The following FRAS1 variants were observed in gnomAD, a reference collection of about 807,000 sequenced individuals.
FRAS1 encodes extracellular matrix organizing protein FRAS1.
A neutral mutation model predicts 435.2 loss-of-function variants in FRAS1; 290 were observed. That is an observed-to-expected ratio of 0.67 (90% CI 0.61 to 0.73). The LOEUF is 0.73. Among genes scored for constraint, FRAS1 ranks in the 30% least tolerant of loss-of-function variants. The probability of loss-of-function intolerance (pLI) is 0.00; values close to 1 mark genes in which losing one functional copy is unlikely to be tolerated. For missense variants in FRAS1, 4,860 were observed against 5,001.5 expected (o/e 0.97, Z 0.85); for synonymous variants, 1,800 against 1,851.0 (o/e 0.97, Z 0.71).
At position 78,445,579 on chromosome 4, in the gene FRAS1, A is replaced by G. The variant is rs747304962; in HGVS notation, c.5723A>G (p.Asp1908Gly). 1.2e-6 allele frequency: 2 copies of G among 1,613,060 alleles called. No homozygotes were observed. Among genetic ancestry groups the G allele is most frequent in the Non-Finnish European group, 8.5e-7 (1 of 1,179,346 alleles). ...CTAGAGGCATCATTTCCTATTCAAG[A>G]CGTCCTGGAAAACTACATTTACTAC... ...SDLEASFPIQ[D>G]VLENYIYYFQ... The change falls in exon 42 of 74, where the codon GAC becomes GGC. Residue 1908 changes from aspartate to glycine, a missense_variant. Asp to Gly is a moderately conservative substitution (Grantham distance 94). Transcript: ENST00000512123.
At chr4:78,117,295 G>T (rs566648637) in intron 2 of FRAS1, among the ~76,000 whole-genome samples, 24 of 152,122 alleles carry the variant, frequency 1.6e-4, no homozygotes, top group African/African-American at 5.5e-4. Context: ...TTGGTGAATC[G>T]GACAATTATG....
chr4:78,317,000 A>G (rs1729284526), intron 16 of FRAS1, among the ~76,000 whole-genome samples: 1 of 152,226 alleles, frequency 6.6e-6, no homozygotes, highest in South Asian at 2.1e-4. Flanking sequence ...TGCTATGAAT[A>G]AAGCATGTCA....
intron 2 of FRAS1, among the ~76,000 whole-genome samples, chr4:78,218,254 G>A (rs910908534): frequency 6.6e-6 from 1 of 151,152 alleles, no homozygotes; most frequent in Admixed American, 6.6e-5. Context: ...CACAGAGAGA[G>A]GGGAACTATC....
rs144925202 is a variant in FRAS1 at position 78,535,570 on chromosome 4, C to T, written c.11092+955C>T. 7.2e-3 allele frequency among the ~76,000 whole-genome samples: 1,090 copies of T among 152,302 alleles called. 34 individuals carry two copies. Among genetic ancestry groups the T allele is most frequent in the Admixed American group, 0.053 (816 of 15,298 alleles). ...CCAAAAATCTCAGGGTTATCCTCAACTTCCCCTTCCTACATCCTACGTCCC... is the reference window on the plus strand; with the variant it reads ...CCAAAAATCTCAGGGTTATCCTCAATTTCCCCTTCCTACATCCTACGTCCC... On this transcript the variant is annotated intron_variant, in intron 71 of 73. Coordinates refer to ENST00000512123, the MANE Select transcript of FRAS1 (RefSeq NM_025074.7).
At chr4:78,254,236 A>C (rs1002132094) in intron 5 of FRAS1, among the ~76,000 whole-genome samples, 5 of 152,240 alleles carry the variant, frequency 3.3e-5, no homozygotes, top group African/African-American at 9.6e-5. Flanking sequence ...AATTATTGTC[A>C]TTGCTGTATT....
At chr4:78,136,050 C>T (rs903527597) in intron 2 of FRAS1, among the ~76,000 whole-genome samples, 1 of 152,180 alleles carries the variant, frequency 6.6e-6, no homozygotes, top group Non-Finnish European at 1.5e-5. Flanking sequence ...CACCTTTGAA[C>T]TCATGGCTAA....
At chr4:78,225,601 G>C (rs1264870219) in intron 2 of FRAS1, among the ~76,000 whole-genome samples, 2 of 152,134 alleles carry the variant, frequency 1.3e-5, no homozygotes, top group Non-Finnish European at 2.9e-5. Flanking sequence ...CAGATGTAAA[G>C]GACCAGGCTG....
intron 2 of FRAS1, among the ~76,000 whole-genome samples, chr4:78,207,932 G>C (rs776659143): frequency 3.3e-5 from 5 of 152,144 alleles, no homozygotes; most frequent in Non-Finnish European, 7.3e-5. Context: ...TGGACAGACA[G>C]AGCAGTGTGT....
At chr4:78,424,535 T>C in intron 35 of FRAS1, 115 bp downstream of exon 35, 1 of 472,946 alleles carries the variant, frequency 2.1e-6, no homozygotes, top group Admixed American at 4.3e-5. Context: ...TACTTAAAAA[T>C]TATATAATTT....
chr4:78,118,858 T>A (rs559084366), intron 2 of FRAS1, among the ~76,000 whole-genome samples: 38 of 152,300 alleles, frequency 2.5e-4, no homozygotes, highest in African/African-American at 8.9e-4. Context: ...CCCAGTGAGA[T>A]GCACCCAGTA....
chr4:78,450,049 A>G, intron 44 of FRAS1, 102 bp from the exon 45 acceptor site: 1 of 806,002 alleles, frequency 1.2e-6, no homozygotes, highest in Non-Finnish European at 1.9e-6. Context: ...CCTAGATCCA[A>G]TGAATATGTG....
rs374507767 is a variant in FRAS1, at chr4:78,098,814, T to C, written c.108+32798T>C. ...AGTCAAGTAATATTAATTACTTCAC[T>C]TCAGTTAATATTACTGAGTGAATAT... is the stretch of plus-strand genomic sequence containing the variant. On this transcript the variant is annotated intron_variant, in intron 2 of 73. Transcript: ENST00000512123. Among the ~76,000 whole-genome samples the C allele has an allele frequency of 4.0e-4, 61 of 152,340 alleles. 2 individuals carry two copies. Among genetic ancestry groups the C allele is most frequent in the African/African-American group, 1.4e-3 (58 of 41,582 alleles).
intron 2 of FRAS1, among the ~76,000 whole-genome samples, chr4:78,096,016 G>T (rs563878851): frequency 1.3e-5 from 2 of 152,086 alleles, no homozygotes; most frequent in Non-Finnish European, 2.9e-5. Context: ...AGTCCCTTCC[G>T]CCTATGAGCC....
At chr4:78,472,919 C>CTTTTTTCTTTCTTTCT (rs1719751220) in intron 52 of FRAS1, among the ~76,000 whole-genome samples, 1 of 152,126 alleles carries the variant, frequency 6.6e-6, no homozygotes, top group Admixed American at 6.5e-5. Flanking sequence ...CATGAATTTT[C>CTTTTTTCTTTCTTTCT]TTTTTACTCT....
intron 71 of FRAS1, among the ~76,000 whole-genome samples, chr4:78,536,724 C>G (rs1318408485): frequency 6.6e-6 from 1 of 152,088 alleles, no homozygotes; most frequent in South Asian, 2.1e-4. Flanking sequence ...TAACAGAATA[C>G]TTTGCTTCCC....
At position 78,176,789 on chromosome 4, in the gene FRAS1, GT is replaced by G. The variant is rs938642447; in HGVS notation, c.109-60719del. ...ATACTTCTAAGTTTTCATACAAGTT[GT>G]TGGTAAAAATGTTAATAGGAAAGAA... On this transcript the variant is annotated intron_variant, in intron 2 of 73. Coordinates refer to ENST00000512123, the MANE Select transcript of FRAS1 (RefSeq NM_025074.7). Among the ~76,000 whole-genome samples the G allele has an allele frequency of 7.2e-5, 11 of 152,188 alleles. 1 individual carries two copies. Among genetic ancestry groups the G allele is most frequent in the African/African-American group, 2.7e-4 (11 of 41,448 alleles).
chr4:78,081,691 A>G (rs888154303), intron 2 of FRAS1, among the ~76,000 whole-genome samples: 1 of 152,078 alleles, frequency 6.6e-6, no homozygotes, highest in Non-Finnish European at 1.5e-5. Context: ...TTGGCTAGAG[A>G]TAGAATCTGG....
chr4:78,375,978 C>A, intron 26 of FRAS1, 99 bp downstream of exon 26: 3 of 1,356,012 alleles, frequency 2.2e-6, no homozygotes, highest in Non-Finnish European at 3.1e-6. Context: ...ATATAAAATG[C>A]AGCATTCCCA....
chr4:78,315,623 C>T lies in FRAS1; in HGVS notation c.1708C>T (p.Pro570Ser), dbSNP rs768451421. ...TGACCAATCCTGTGACAGTTGTGGC[C>T]CCAGTAGCCCCAGGTGTCTTACCTG... ...ACDQSCDSCG[P>S]SSPRCLTCTE... The change falls in exon 16 of 74, where the codon CCC becomes TCC. Residue 570 changes from proline (P) to serine (S), a missense_variant. Transcript: ENST00000512123. The T allele has an allele frequency of 2.5e-6, 4 of 1,612,758 alleles. No individual in the cohort carries two copies. In the East Asian group the frequency reaches 6.7e-5, roughly 27 times the overall value.
Sources: allele counts gnomAD v4.1 joint callset (sites outside exome capture counted in the v4.1 genomes callset), GRCh38; gene constraint gnomAD v4.1.1; transcripts MANE v1.5; gene names NCBI Gene and HGNC (gene_info 2026-07-23, HGNC 2026-07-21).